Variants in OCA2 observed in about 807,000 individuals in gnomAD.
The protein encoded by OCA2 is P protein.
In OCA2, 77 loss-of-function variants were observed where a neutral mutation model predicts 100.2. The observed-to-expected ratio is 0.77, with a 90% CI of 0.64 to 0.93. OCA2 has a LOEUF of 0.93. Among genes scored for constraint, OCA2 ranks in the 40% least tolerant of loss-of-function variants. The pLI is 0.00. For missense variants in OCA2, 1,062 were observed against 1,089.1 expected, an observed-to-expected ratio of 0.98 and a Z score of 0.35; for synonymous variants, 432 against 439.2, an observed-to-expected ratio of 0.98 and a Z score of 0.21.
At chr15:27,834,789 C>G (rs1398004480) in intron 23 of OCA2, among the ~76,000 whole-genome samples, 1 of 152,230 alleles carries the variant, frequency 6.6e-6, no homozygotes, top group Non-Finnish European at 1.5e-5. Context: ...TCCATGGTAA[C>G]TAGTGGCTCC....
chr15:28,005,010 T>C (rs4778136), intron 9 of OCA2, among the ~76,000 whole-genome samples: 28,368 of 152,046 alleles, frequency 0.19, 3,863 homozygotes, highest in East Asian at 0.61. Context: ...AAAATCACCA[T>C]GCCTCACAAT....
intron 19 of OCA2, among the ~76,000 whole-genome samples, chr15:27,899,952 T>G (rs915707173): frequency 6.6e-6 from 1 of 152,126 alleles, no homozygotes; most frequent in Non-Finnish European, 1.5e-5. Flanking sequence ...TTAATTATCT[T>G]GAGCTCAGTG....
rs1463949850 is a variant in OCA2 at position 27,983,461 on chromosome 15, C to T, written c.1387G>A (p.Asp463Asn). Residue 463 changes from aspartate to asparagine, a missense_variant, in exon 14 of 24, where the codon GAT becomes AAT. Physicochemically the swap from Asp to Asn is conservative, Grantham distance 23 (BLOSUM62 1). Coordinates refer to ENST00000354638, the MANE Select transcript of OCA2 (RefSeq NM_000275.3). ...TCTGCAATCAGGACTTGTCTTGGAT[C>T]AAGGTTGAGCACCTCACACAACCTG... is the stretch of plus-strand genomic sequence containing the variant. ...TIRLCEVLNL[D>N]PRQVLIAEVI... is the part of the protein sequence containing the mutation. The T allele has an allele frequency of 6.2e-7, 1 of 1,614,202 alleles. No homozygotes were observed. Among genetic ancestry groups the T allele is most frequent in the Non-Finnish European group, 8.5e-7 (1 of 1,180,050 alleles).
intron 2 of OCA2, among the ~76,000 whole-genome samples, chr15:28,063,323 C>A (rs77860444): frequency 1.3e-5 from 2 of 152,014 alleles, no homozygotes; most frequent in Admixed American, 1.3e-4. Flanking sequence ...TGTTTCTTGG[C>A]GATAGCATAC....
chr15:27,775,066 G>A (rs1426841862), intron 23 of OCA2, among the ~76,000 whole-genome samples: 1 of 41,386 alleles, frequency 2.4e-5, no homozygotes, highest in Non-Finnish European at 5.3e-5. Context: ...TAGAACTCGT[G>A]TGTGTGTGTG....
At chr15:27,952,384 G>T (rs190764024) in intron 17 of OCA2, among the ~76,000 whole-genome samples, 1 of 152,214 alleles carries the variant, frequency 6.6e-6, no homozygotes, top group Admixed American at 6.5e-5. Flanking sequence ...CTGGTCATAG[G>T]GGGAGGGCAG....
chr15:27,905,741 A>C (rs1175154314), intron 19 of OCA2, among the ~76,000 whole-genome samples: 1 of 152,256 alleles, frequency 6.6e-6, no homozygotes, highest in Non-Finnish European at 1.5e-5. Flanking sequence ...AAACAAGCCC[A>C]ACGGCATTAA....
the OCA2 span, among the ~76,000 whole-genome samples, chr15:27,736,065 A>G: frequency 4.1e-4 from 63 of 152,344 alleles, no homozygotes; most frequent in Middle Eastern, 6.8e-3. Context: ...ATGTACATAT[A>G]GTTTGTAGCA....
At position 28,027,625 on chromosome 15, in the gene OCA2, G is replaced by A. The variant is rs2042792831; in HGVS notation, c.515+246C>T. On this transcript the variant is annotated intron_variant, in intron 4 of 23. Transcript: ENST00000354638. ...AGACCCCAGCCACACAAGCAGGAAG[G>A]AGAGGAGTGTACTGTGTCAATCATT... is the stretch of plus-strand genomic sequence containing the variant. Among the ~76,000 whole-genome samples the A allele has an allele frequency of 2.6e-5, 4 of 152,218 alleles. No individual in the cohort carries two copies. In the South Asian group the frequency reaches 8.3e-4, roughly 31 times the overall value.
chr15:27,861,391 G>C (rs1429008014), intron 21 of OCA2, among the ~76,000 whole-genome samples: 2 of 151,912 alleles, frequency 1.3e-5, no homozygotes, highest in Non-Finnish European at 1.5e-5. Flanking sequence ...CTAGGCTCTG[G>C]GGAGCAGCCC....
chr15:27,998,567 G>GC (rs2141089649), intron 9 of OCA2, among the ~76,000 whole-genome samples: 1 of 148,744 alleles, frequency 6.7e-6, no homozygotes, highest in Non-Finnish European at 1.5e-5. Flanking sequence ...TGGAGAGGAT[G>GC]TGGAGAAATA....
chr15:27,968,205 G>A (rs2040643918), intron 14 of OCA2, among the ~76,000 whole-genome samples: 1 of 152,244 alleles, frequency 6.6e-6, no homozygotes. Context: ...GGCACCTCCT[G>A]AGCCCCCAGC....
chr15:27,831,901 C>T (rs1016954497), intron 23 of OCA2, among the ~76,000 whole-genome samples: 5 of 152,158 alleles, frequency 3.3e-5, no homozygotes, highest in African/African-American at 1.2e-4. Context: ...CTGCATCCTT[C>T]TCCTCTTTAT....
intron 23 of OCA2, among the ~76,000 whole-genome samples, chr15:27,799,336 A>G (rs978298019): frequency 6.6e-6 from 1 of 152,226 alleles, no homozygotes; most frequent in Non-Finnish European, 1.5e-5. Context: ...AGACAGACTG[A>G]CAATGAACAA....
At chr15:27,742,775 C>T in the OCA2 span, among the ~76,000 whole-genome samples, 2 of 152,146 alleles carry the variant, frequency 1.3e-5, no homozygotes. Flanking sequence ...TGCGTTAGTC[C>T]ACACACAGCT....
At chr15:27,812,141 T>C (rs1219675565) in intron 23 of OCA2, among the ~76,000 whole-genome samples, 1 of 152,216 alleles carries the variant, frequency 6.6e-6, no homozygotes, top group Non-Finnish European at 1.5e-5. Flanking sequence ...GGATAAATGC[T>C]GGAGCGAAGA....
chr15:27,816,889 C>T (rs537583669), intron 23 of OCA2, among the ~76,000 whole-genome samples: 2 of 152,168 alleles, frequency 1.3e-5, no homozygotes, highest in African/African-American at 4.8e-5. Flanking sequence ...CCCCTCACTG[C>T]CCTCCGGAGC....
chr15:27,770,852 TCCTTTC>T (rs2031722604), intron 23 of OCA2, among the ~76,000 whole-genome samples: 2 of 80,982 alleles, frequency 2.5e-5, no homozygotes, highest in African/African-American at 1.5e-4. Context: ...TTTCCTTCCT[TCCTTTC>T]TTCCTTCCTT....
chr15:28,003,903 G>A (rs998203528), intron 9 of OCA2, among the ~76,000 whole-genome samples: 4 of 152,220 alleles, frequency 2.6e-5, no homozygotes, highest in Non-Finnish European at 4.4e-5. Flanking sequence ...CCTACGCCCC[G>A]AGCGGGGAAA....
Sources: allele counts gnomAD v4.1 joint callset (sites outside exome capture counted in the v4.1 genomes callset), GRCh38; gene constraint gnomAD v4.1.1; transcripts MANE v1.5; gene names NCBI Gene and HGNC (gene_info 2026-07-23, HGNC 2026-07-21).